CACNG6: variants seen among roughly 807,000 people sequenced by gnomAD.
CACNG6 encodes voltage-dependent calcium channel gamma-6 subunit.
CACNG6 carries 21 observed loss-of-function variants against 23.9 expected under a neutral mutation model. That is an observed-to-expected ratio of 0.88 (90% CI 0.62 to 1.26). The LOEUF is 1.26. Among genes scored for constraint, CACNG6 ranks in the 50% most tolerant of loss-of-function variants. The pLI is 0.00. For synonymous variants in CACNG6, 182 were observed against 168.9 expected, an observed-to-expected ratio of 1.08 and a Z score of -0.60; for missense variants, 340 against 352.9, an observed-to-expected ratio of 0.96 and a Z score of 0.29.
At chr19:54,003,045 G>A (rs1390534084) in intron 3 of CACNG6, among the ~76,000 whole-genome samples, 2 of 152,204 alleles carry the variant, frequency 1.3e-5, no homozygotes, top group East Asian at 1.9e-4. Flanking sequence ...CAACTGTGAT[G>A]AATGCTATAG....
chr19:54,003,454 G>A (rs187940321), intron 3 of CACNG6, among the ~76,000 whole-genome samples: 29 of 152,024 alleles, frequency 1.9e-4, no homozygotes, highest in Admixed American at 1.6e-3. Context: ...TCTGCCTCCC[G>A]GGTTCCAGCG....
At chr19:54,000,735 CG>C (rs2069566867) in intron 3 of CACNG6, among the ~76,000 whole-genome samples, 1 of 152,088 alleles carries the variant, frequency 6.6e-6, no homozygotes, top group Non-Finnish European at 1.5e-5. Flanking sequence ...GGCACCACCA[CG>C]CCTGGCTAAT....
At chr19:54,004,633 C>T (rs1207730739) in intron 3 of CACNG6, among the ~76,000 whole-genome samples, 1 of 152,104 alleles carries the variant, frequency 6.6e-6, no homozygotes, top group South Asian at 2.1e-4. Context: ...GGCTGACTCC[C>T]GGCGCCCTGC....
At chr19:53,995,669 C>G (rs2069513573) in intron 1 of CACNG6, among the ~76,000 whole-genome samples, 1 of 152,244 alleles carries the variant, frequency 6.6e-6, no homozygotes, top group African/African-American at 2.4e-5. Context: ...CCCTTTACCT[C>G]TTTTTCTTTG....
At chr19:53,996,786 G>A (rs2069525233) in intron 1 of CACNG6, among the ~76,000 whole-genome samples, 1 of 151,008 alleles carries the variant, frequency 6.6e-6, no homozygotes, top group African/African-American at 2.4e-5. Flanking sequence ...ATTTTGACTT[G>A]GAAAATATAT....
intron 3 of CACNG6, among the ~76,000 whole-genome samples, chr19:54,004,335 TTGTGTG>T (rs4022332): frequency 0.12 from 12,896 of 106,776 alleles, 891 homozygotes; most frequent in East Asian, 0.16. Flanking sequence ...TTTTGTATTT[TTGTGTG>T]TGTGTGTGTG....
At position 53,993,343 on chromosome 19, in the gene CACNG6, G is replaced by T. The variant is rs373422160; in HGVS notation, c.331+135G>T. 198 of 857,194 alleles carry T rather than the reference G, an allele frequency of 2.3e-4. No homozygotes were observed. The East Asian group carries it at 3.3e-3, about 14-fold the overall frequency. 53.1% of individuals were successfully genotyped at this position (857,194 alleles called of 1,614,324 possible). ...GGAGACAGCTTGCCTCGCAGTAAGC[G>T]CCAGTGCCCACTTCGTCCTCTGCTC... On this transcript the variant is annotated intron_variant, in intron 1 of 3. Coordinates refer to ENST00000252729, the MANE Select transcript of CACNG6 (RefSeq NM_145814.2).
chr19:54,003,641 A>G (rs984926698), intron 3 of CACNG6, among the ~76,000 whole-genome samples: 12 of 152,104 alleles, frequency 7.9e-5, no homozygotes, highest in African/African-American at 2.4e-4. Context: ...GATTACAGGC[A>G]TGAGCCACCC....
chr19:54,003,201 G>C (rs957790972), intron 3 of CACNG6, among the ~76,000 whole-genome samples: 7 of 152,028 alleles, frequency 4.6e-5, no homozygotes, highest in Non-Finnish European at 5.9e-5. Flanking sequence ...GCTCAGGGAG[G>C]GGGAGGCGGA....
At chr19:53,995,834 G>A (rs776737189) in intron 1 of CACNG6, among the ~76,000 whole-genome samples, 34 of 152,176 alleles carry the variant, frequency 2.2e-4, no homozygotes, top group African/African-American at 7.0e-4. Context: ...GCTAATTTTT[G>A]TATTTTTAGT....
chr19:54,002,617 T>G (rs1222438407), intron 3 of CACNG6, among the ~76,000 whole-genome samples: 1 of 152,086 alleles, frequency 6.6e-6, no homozygotes, highest in Non-Finnish European at 1.5e-5. Flanking sequence ...TCTCATGGAA[T>G]TTGTAGCTTG....
chr19:54,009,283 T>TGGTGGCGTGTGTCTGTAATCCCA (rs1445153657), intron 3 of CACNG6, among the ~76,000 whole-genome samples: 2 of 151,892 alleles, frequency 1.3e-5, no homozygotes, highest in African/African-American at 4.8e-5. Context: ...TAGCCAGGCG[T>TGGTGGCGTGTGTCTGTAATCCCA]GGTGGCGTGT....
chr19:54,011,190 T>TAAAAAAAAAAAAAAAAAAA lies in CACNG6; in HGVS notation c.545-745_545-744insAAAAAAAAAAAAAAAAAAA, dbSNP rs142489178. Among the ~76,000 whole-genome samples the TAAAAAAAAAAAAAAAAAAA allele has an allele frequency of 5.1e-5, 3 of 59,218 alleles. 1 individual carries two copies. The highest frequency in any genetic ancestry group is 5.5e-5 in the Non-Finnish European group (2 of 36,590). 38.8% of individuals were successfully genotyped at this position (59,218 alleles called of 152,430 possible). A position where few individuals can be genotyped will look rare whatever the true frequency, so the allele number is the denominator to read the frequency against. ...CAACATGGTGAAACCCCGTCTCTAC[T>TAAAAAAAAAAAAAAAAAAA]AAAAAAAAAAAAAAAATATATATAT... On this transcript the variant is annotated intron_variant, in intron 3 of 3. Transcript: ENST00000252729.
rs142489178 is a variant in CACNG6, at chr19:54,011,190, T to TAAAAAAAAAAAAA, written c.545-757_545-745dup. 4.9e-4 allele frequency among the ~76,000 whole-genome samples: 29 copies of TAAAAAAAAAAAAA among 59,204 alleles called. 2 individuals are homozygous for TAAAAAAAAAAAAA. Among genetic ancestry groups the TAAAAAAAAAAAAA allele is most frequent in the African/African-American group, 1.8e-3 (19 of 10,456 alleles). 38.8% of individuals were successfully genotyped at this position (59,204 alleles called of 152,430 possible). ...CAACATGGTGAAACCCCGTCTCTACTAAAAAAAAAAAAAAAATATATATAT... is the reference window on the plus strand; with the variant it reads ...CAACATGGTGAAACCCCGTCTCTACTAAAAAAAAAAAAAAAAAAAAAAAAAAAAATATATATAT... On this transcript the variant is annotated intron_variant, in intron 3 of 3. Transcript: ENST00000252729.
In CACNG6 at chr19:53,992,949, C is replaced by A. The variant is rs756574726; in HGVS notation, c.72C>A (p.His24Gln). 6.6e-6 allele frequency: 9 copies of A among 1,367,500 alleles called. No individual in the cohort carries two copies. In the Middle Eastern group the frequency reaches 7.8e-4, roughly 118 times the overall value. The allele number at this position is 1,367,500 out of a possible 1,614,324, so 84.7% of individuals were successfully genotyped here. Residue 24 changes from histidine to glutamine, a missense_variant, in exon 1 of 4, where the codon CAC becomes CAA. Coordinates refer to ENST00000252729, the MANE Select transcript of CACNG6 (RefSeq NM_145814.2). This position sits in a 1 kb window ranked among gnomAD's most constrained non-coding sequence, Gnocchi z 4.1. ...GGGCCGCGGGCCGGCGGCGGGCGCA[C>A]GGGCAGGGCAGGTCGGGGCTGACGC... Reference protein sequence around the residue: ...RRGAAGRRRAHGQGRSGLTPE... With the variant: ...RRGAAGRRRAQGQGRSGLTPE...
At chr19:53,993,567 A>T (rs3852896) in intron 1 of CACNG6, among the ~76,000 whole-genome samples, 65,099 of 149,162 alleles carry the variant, frequency 0.44, 14,439 homozygotes, top group East Asian at 0.55. Context: ...ACCCCCTCAG[A>T]CGAGTCTGTA....
chr19:53,999,184 C>T (rs1328641475), intron 2 of CACNG6, among the ~76,000 whole-genome samples: 2 of 152,118 alleles, frequency 1.3e-5, no homozygotes, highest in East Asian at 1.9e-4. Context: ...GAAATTTAGG[C>T]TGAGAAGGGT....
At position 54,011,997 on chromosome 19, in the gene CACNG6, G is replaced by C; in HGVS notation, c.591G>C (p.Arg197Ser). The change falls in exon 4 of 4, where the codon AGG becomes AGC. Residue 197 changes from arginine (R) to serine (S), a missense_variant. Physicochemically the swap from Arg to Ser is moderately radical, Grantham distance 110. Transcript: ENST00000252729. ...TGGAGGTGTTCCGGCATTCCGTGAG[G>C]GCCCTGCTGCAGAGAGTCAGCCCGG... ...VSLEVFRHSV[R>S]ALLQRVSPEP... 1 of 1,595,314 alleles carries C rather than the reference G, an allele frequency of 6.3e-7. No homozygotes were observed. Among genetic ancestry groups the C allele is most frequent in the Non-Finnish European group, 8.5e-7 (1 of 1,171,656 alleles).
intron 1 of CACNG6, among the ~76,000 whole-genome samples, chr19:53,995,703 C>G (rs1033901066): frequency 6.6e-6 from 1 of 152,232 alleles, no homozygotes; most frequent in Non-Finnish European, 1.5e-5. Context: ...CTCTTGTTGC[C>G]CCGGCTGGAG....
Sources: gnomAD v4.1 joint callset for allele counts (sites outside exome capture counted in the v4.1 genomes callset) on GRCh38, gnomAD v4.1.1 for gene constraint, Gnocchi (gnomAD v3.1) non-coding constraint, MANE v1.5 for transcripts, NCBI Gene and HGNC (gene_info 2026-07-23, HGNC 2026-07-21) for gene names.